Variants in SLC8A1 observed in about 807,000 individuals in gnomAD.
SLC8A1 encodes the protein solute carrier family 8 member A1, also known as sodium/calcium exchanger 1.
A neutral mutation model predicts 68.3 loss-of-function variants in SLC8A1; 18 were observed. The ratio of observed to expected loss-of-function variants is 0.26; its 90% CI spans 0.18 to 0.39. The LOEUF (loss-of-function observed/expected upper bound fraction) is 0.39, where lower values mean the gene tolerates loss of function less well. Ranked by LOEUF, SLC8A1 falls within the 10% of genes least tolerant of loss-of-function variation. SLC8A1 has a pLI of 1.00. For synonymous variants in SLC8A1, 475 were observed against 415.5 expected, an observed-to-expected ratio of 1.14 and a Z score of -1.74; for missense variants, 985 against 1,156.7, an observed-to-expected ratio of 0.85 and a Z score of 2.15.
chr2:40,237,006 C>T (rs1482525982), intron 2 of SLC8A1, among the ~76,000 whole-genome samples: 20 of 149,316 alleles, frequency 1.3e-4, no homozygotes, highest in Non-Finnish European at 1.6e-4. Flanking sequence ...GAGGGTAACC[C>T]GACCTTTCTC....
At chr2:40,410,766 A>C (rs143129321) in intron 2 of SLC8A1, among the ~76,000 whole-genome samples, 1 of 152,060 alleles carries the variant, frequency 6.6e-6, no homozygotes, top group Non-Finnish European at 1.5e-5. Flanking sequence ...AAATCTGATA[A>C]TACATTGCAT....
chr2:40,451,238 A>C (rs1004778824), intron 1 of SLC8A1, among the ~76,000 whole-genome samples: 1 of 152,210 alleles, frequency 6.6e-6, no homozygotes, highest in Admixed American at 6.5e-5. Flanking sequence ...TCTTGGGGAA[A>C]GATGCCTGTG....
chr2:40,218,316 T>G (rs1413362787), intron 2 of SLC8A1, among the ~76,000 whole-genome samples: 1 of 152,164 alleles, frequency 6.6e-6, no homozygotes. Flanking sequence ...ATTACTGTAT[T>G]GTGAAGAAGG....
intron 2 of SLC8A1, among the ~76,000 whole-genome samples, chr2:40,228,247 T>C (rs2059232137): frequency 6.6e-6 from 1 of 152,174 alleles, no homozygotes. Flanking sequence ...TTTCCCTGCC[T>C]GCAGCAGACA....
chr2:40,442,004 G>A (rs1441818855), intron 1 of SLC8A1, among the ~76,000 whole-genome samples: 1 of 136,638 alleles, frequency 7.3e-6, no homozygotes, highest in East Asian at 2.2e-4. Flanking sequence ...GGACATTTGG[G>A]TTGGTTCCAA....
intron 2 of SLC8A1, among the ~76,000 whole-genome samples, chr2:40,202,482 C>G (rs962156009): frequency 2.0e-5 from 3 of 151,928 alleles, no homozygotes; most frequent in African/African-American, 7.2e-5. Context: ...ATCTTCAGAA[C>G]AAAATCCCTG....
intron 2 of SLC8A1, among the ~76,000 whole-genome samples, chr2:40,361,463 C>G (rs1044828050): frequency 9.9e-6 from 1 of 101,452 alleles, no homozygotes; most frequent in African/African-American, 3.7e-5. Context: ...CCTGAAGGAG[C>G]CTTTTTTTTT....
chr2:40,154,297 T>TTC (rs1414265065), intron 6 of SLC8A1, among the ~76,000 whole-genome samples: 2 of 114,942 alleles, frequency 1.7e-5, no homozygotes, highest in Non-Finnish European at 1.7e-5. Context: ...TTTTTATTTA[T>TTC]TCTTTTTTTT....
chr2:40,257,220 T>G (rs992266639), intron 2 of SLC8A1, among the ~76,000 whole-genome samples: 1 of 152,008 alleles, frequency 6.6e-6, no homozygotes, highest in Non-Finnish European at 1.5e-5. Context: ...AAAGTAAAGA[T>G]AAAAAATAAA....
At chr2:40,194,702 G>A (rs902867197) in intron 2 of SLC8A1, among the ~76,000 whole-genome samples, 2 of 152,020 alleles carry the variant, frequency 1.3e-5, no homozygotes, top group Admixed American at 1.3e-4. Flanking sequence ...TAGGAGCAGT[G>A]AGAGGTTGAA....
At chr2:40,412,127 T>C (rs138216716) in intron 2 of SLC8A1, among the ~76,000 whole-genome samples, 66 of 152,272 alleles carry the variant, frequency 4.3e-4, no homozygotes, top group African/African-American at 1.5e-3. Context: ...CCAGAACTCA[T>C]GTTCTTCATG....
intron 2 of SLC8A1, among the ~76,000 whole-genome samples, chr2:40,314,879 G>T (rs2074232917): frequency 6.6e-6 from 1 of 151,894 alleles, no homozygotes; most frequent in Non-Finnish European, 1.5e-5. Flanking sequence ...TCCCTTACTA[G>T]TTTTAGTGGT....
intron 1 of SLC8A1, among the ~76,000 whole-genome samples, chr2:40,491,692 G>T (rs1705325201): frequency 2.0e-5 from 3 of 152,102 alleles, no homozygotes; most frequent in Admixed American, 2.0e-4. Flanking sequence ...AGCATGAAGA[G>T]TTGTTGAATT....
intron 1 of SLC8A1, among the ~76,000 whole-genome samples, chr2:40,491,734 G>C (rs1705328951): frequency 6.6e-6 from 1 of 152,060 alleles, no homozygotes; most frequent in African/African-American, 2.4e-5. Flanking sequence ...TCTATTGAGA[G>C]AACCATGTGG....
intron 2 of SLC8A1, among the ~76,000 whole-genome samples, chr2:40,365,406 G>C (rs901792303): frequency 6.6e-6 from 1 of 152,040 alleles, no homozygotes; most frequent in Admixed American, 6.6e-5. Flanking sequence ...TGATTTATGT[G>C]TTTACAATTA....
At chr2:40,431,925 G>A (rs971561208) in intron 1 of SLC8A1, among the ~76,000 whole-genome samples, 10 of 152,074 alleles carry the variant, frequency 6.6e-5, no homozygotes, top group South Asian at 2.1e-4. Context: ...CATCACTACA[G>A]GGAGATAAGC....
chr2:40,131,545 T>G (rs2039336078), intron 7 of SLC8A1, among the ~76,000 whole-genome samples: 1 of 152,224 alleles, frequency 6.6e-6, no homozygotes, highest in Non-Finnish European at 1.5e-5. Context: ...ACCTCTCTGC[T>G]GTTAAGAGTA....
chr2:40,124,244 T>C (rs2037565679), intron 7 of SLC8A1, among the ~76,000 whole-genome samples: 1 of 152,330 alleles, frequency 6.6e-6, no homozygotes, highest in Middle Eastern at 3.4e-3. Flanking sequence ...AGCTGGATTA[T>C]ACTGGTGTGA....
intron 7 of SLC8A1, among the ~76,000 whole-genome samples, chr2:40,127,811 T>G (rs541659155): frequency 1.3e-5 from 2 of 152,272 alleles, no homozygotes; most frequent in South Asian, 2.1e-4. Flanking sequence ...CATAATTTCT[T>G]GAATGTAACT....
Sources: gnomAD v4.1 joint callset for allele counts (sites outside exome capture counted in the v4.1 genomes callset) on GRCh38, gnomAD v4.1.1 for gene constraint, MANE v1.5 for transcripts, NCBI Gene and HGNC (gene_info 2026-07-23, HGNC 2026-07-21) for gene names.